The following KCNIP1 variants were observed in gnomAD, a reference collection of about 807,000 sequenced individuals.
KCNIP1 encodes potassium voltage-gated channel interacting protein 1, also known as A-type potassium channel modulatory protein KCNIP1.
KCNIP1 carries 18 observed loss-of-function variants against 33.0 expected under a neutral mutation model. That is an observed-to-expected ratio of 0.55 (90% confidence interval 0.38 to 0.81). KCNIP1 has a LOEUF of 0.81. Ranked by LOEUF, KCNIP1 falls within the 30% of genes least tolerant of loss-of-function variation. The probability of loss-of-function intolerance (pLI) is 0.00; values close to 1 mark genes in which losing one functional copy is unlikely to be tolerated. For missense variants in KCNIP1, 238 were observed against 271.6 expected (o/e 0.88, Z 0.87); for synonymous variants, 93 against 98.3 (o/e 0.95, Z 0.32).
At chr5:170,699,198 C>T (rs1395815405) in intron 1 of KCNIP1, among the ~76,000 whole-genome samples, 1 of 152,120 alleles carries the variant, frequency 6.6e-6, no homozygotes, top group Non-Finnish European at 1.5e-5. Context: ...CCATCCATAA[C>T]CCTAACTCTC....
intron 1 of KCNIP1, among the ~76,000 whole-genome samples, chr5:170,425,764 G>T (rs1310645768): frequency 6.6e-6 from 1 of 152,192 alleles, no homozygotes; most frequent in Non-Finnish European, 1.5e-5. Context: ...AGGGCTCTGG[G>T]TGTCAGTCCC....
intron 1 of KCNIP1, among the ~76,000 whole-genome samples, chr5:170,574,509 C>G (rs1211773488): frequency 6.6e-6 from 1 of 152,222 alleles, no homozygotes; most frequent in African/African-American, 2.4e-5. Context: ...CCTCCTCCTA[C>G]CACACAGTTC....
intron 1 of KCNIP1, among the ~76,000 whole-genome samples, chr5:170,516,897 G>A (rs1017766190): frequency 1.3e-5 from 2 of 152,154 alleles, no homozygotes; most frequent in Non-Finnish European, 1.5e-5. Flanking sequence ...ATACGTGGTG[G>A]GGATCAGTAT....
chr5:170,413,679 T>C (rs1412100456), intron 1 of KCNIP1, among the ~76,000 whole-genome samples: 1 of 152,046 alleles, frequency 6.6e-6, no homozygotes, highest in East Asian at 1.9e-4. Flanking sequence ...GTAAAAATGG[T>C]CTCCTGACTG....
intron 1 of KCNIP1, among the ~76,000 whole-genome samples, chr5:170,652,929 CA>C (rs957404919): frequency 2.6e-5 from 4 of 152,078 alleles, no homozygotes; most frequent in African/African-American, 9.7e-5. Flanking sequence ...GCAAAACCAA[CA>C]AAAAAACGAA....
At chr5:170,404,158 A>C (rs1168170405) in intron 1 of KCNIP1, among the ~76,000 whole-genome samples, 2 of 152,226 alleles carry the variant, frequency 1.3e-5, no homozygotes, top group African/African-American at 4.8e-5. Flanking sequence ...CAGAGAGGAA[A>C]ATTAAGCTTC....
At chr5:170,503,369 G>A (rs1358382772), upstream of KCNIP1, among the ~76,000 whole-genome samples, 12 of 148,998 alleles carry the variant, frequency 8.1e-5, no homozygotes, top group Non-Finnish European at 8.9e-5. Context: ...ACTCCAGCCT[G>A]GGCAACAGAG....
intron 1 of KCNIP1, among the ~76,000 whole-genome samples, chr5:170,562,075 C>T (rs1044840190): frequency 2.6e-5 from 4 of 152,214 alleles, no homozygotes; most frequent in South Asian, 4.1e-4. Context: ...GGATCATCTG[C>T]GTTACATTTT....
chr5:170,654,195 C>A (rs1761169832), intron 1 of KCNIP1, among the ~76,000 whole-genome samples: 1 of 152,284 alleles, frequency 6.6e-6, no homozygotes, highest in East Asian at 1.9e-4. Context: ...CCGCTATGAG[C>A]TGCCTTTTCT....
rs1581189778 is a variant in KCNIP1 at position 170,435,166 on chromosome 5, C to G, written c.88+81202C>G. Among the ~76,000 whole-genome samples, 3 of 152,344 alleles carry G rather than the reference C, an allele frequency of 2.0e-5. No homozygotes were observed. In the East Asian group the frequency reaches 5.8e-4, roughly 29 times the overall value. On this transcript the variant is annotated intron_variant, in intron 1 of 7. Coordinates refer to the KCNIP1 transcript ENST00000377360. ...CCTGGCCAGTTGCAGCCAGTACCAC[C>G]TGGTGCCCAGCAGAGGGCAGCACAG... is the stretch of plus-strand genomic sequence containing the variant.
Position 170,621,566 on chromosome 5 carries a change from A to C in KCNIP1, c.62-97192A>C, listed in dbSNP as rs370585898. 1.2e-4 allele frequency among the ~76,000 whole-genome samples: 18 copies of C among 152,284 alleles called. No homozygotes were observed. The East Asian group carries it at 2.5e-3, about 21-fold the overall frequency. ...TGCTCTGTCACCCAGGCTGGAGTGCACTGGCACCATCATAGCTCACTGCAG... is the reference window on the plus strand; with the variant it reads ...TGCTCTGTCACCCAGGCTGGAGTGCCCTGGCACCATCATAGCTCACTGCAG... On this transcript the variant is annotated intron_variant, in intron 1 of 7. Transcript: ENST00000328939.
At chr5:170,470,515 A>G (rs1434632146) in intron 1 of KCNIP1, among the ~76,000 whole-genome samples, 1 of 152,206 alleles carries the variant, frequency 6.6e-6, no homozygotes, top group African/African-American at 2.4e-5. Context: ...AGAGAAAGTG[A>G]GGCATTTATT....
intron 1 of KCNIP1, among the ~76,000 whole-genome samples, chr5:170,496,033 G>A (rs752324044): frequency 2.0e-5 from 3 of 152,138 alleles, no homozygotes; most frequent in Non-Finnish European, 4.4e-5. Context: ...CATGCTCATC[G>A]GCTCATCACT....
chr5:170,398,389 T>C (rs1425490863), intron 1 of KCNIP1, among the ~76,000 whole-genome samples: 1 of 152,230 alleles, frequency 6.6e-6, no homozygotes, highest in East Asian at 1.9e-4. Flanking sequence ...TTCACACCTT[T>C]TACCAGAATA....
intron 1 of KCNIP1, among the ~76,000 whole-genome samples, chr5:170,596,184 A>AATTCT (rs1454268834): frequency 2.6e-5 from 4 of 152,250 alleles, no homozygotes; most frequent in Non-Finnish European, 5.9e-5. Context: ...TCAAACAACT[A>AATTCT]ATTCTAGAAG....
intron 1 of KCNIP1, among the ~76,000 whole-genome samples, chr5:170,583,576 G>A (rs1757877081): frequency 6.6e-6 from 1 of 152,150 alleles, no homozygotes; most frequent in East Asian, 1.9e-4. Context: ...TAGCCTAAGG[G>A]CAGAATAGCC....
intron 1 of KCNIP1, among the ~76,000 whole-genome samples, chr5:170,536,742 CG>C (rs1280905264): frequency 6.6e-6 from 1 of 152,122 alleles, no homozygotes; most frequent in African/African-American, 2.4e-5. Context: ...TGCAGTGCAC[CG>C]GAGTTAAAAA....
chr5:170,390,652 C>T (rs1452953476), intron 1 of KCNIP1, among the ~76,000 whole-genome samples: 2 of 151,552 alleles, frequency 1.3e-5, no homozygotes, highest in African/African-American at 4.9e-5. Context: ...ATCAAAGAAC[C>T]TGAAACTGAG....
intron 1 of KCNIP1, among the ~76,000 whole-genome samples, chr5:170,700,001 A>G (rs1763037653): frequency 6.6e-6 from 1 of 152,162 alleles, no homozygotes; most frequent in Non-Finnish European, 1.5e-5. Flanking sequence ...TAAAACTGTT[A>G]ACATGGGTTC....
Sources: allele counts gnomAD v4.1 joint callset (sites outside exome capture counted in the v4.1 genomes callset), GRCh38; gene constraint gnomAD v4.1.1; transcripts MANE v1.5; gene names NCBI Gene and HGNC (gene_info 2026-07-23, HGNC 2026-07-21).